PLPPR5: variants seen among roughly 807,000 people sequenced by gnomAD.
PLPPR5 encodes the protein phospholipid phosphatase related 5.
Under a neutral mutation model 33.9 loss-of-function variants are expected in PLPPR5, and 16 were observed. The ratio of observed to expected loss-of-function variants is 0.47; its 90% confidence interval spans 0.32 to 0.72. PLPPR5 has a LOEUF of 0.72. Ranked by LOEUF, PLPPR5 falls within the 30% of genes least tolerant of loss-of-function variation. The probability of loss-of-function intolerance (pLI) is 0.03; values close to 1 mark genes in which losing one functional copy is unlikely to be tolerated. For missense variants in PLPPR5, 301 were observed against 406.7 expected (o/e 0.74, Z 2.23); for synonymous variants, 163 against 150.3 (o/e 1.08, Z -0.62).
intron 1 of PLPPR5, 75 bp downstream of exon 1, chr1:99,004,360 T>G: frequency 7.7e-7 from 1 of 1,305,672 alleles, no homozygotes; most frequent in Non-Finnish European, 1.0e-6. Context: ...CCCCAACCCT[T>G]AGAGGGGCCT....
intron 1 of PLPPR5, 127 bp from the exon 2 acceptor site, chr1:98,956,868 T>C (rs1395381344): frequency 4.2e-6 from 3 of 707,030 alleles, no homozygotes; most frequent in Non-Finnish European, 6.3e-6. Context: ...AACAGAGCCA[T>C]AATCGATTTC....
chr1:98,999,590 G>C (rs987737039), intron 1 of PLPPR5, among the ~76,000 whole-genome samples: 1 of 152,208 alleles, frequency 6.6e-6, no homozygotes, highest in Non-Finnish European at 1.5e-5. Flanking sequence ...ACCCATGTCT[G>C]TGCTTTTTCT....
At chr1:98,942,517 A>G (rs1374133995) in intron 3 of PLPPR5, among the ~76,000 whole-genome samples, 2 of 152,316 alleles carry the variant, frequency 1.3e-5, no homozygotes, top group African/African-American at 4.8e-5. Flanking sequence ...CCACAGAGGT[A>G]AATTTCTCTA....
intron 1 of PLPPR5, among the ~76,000 whole-genome samples, chr1:98,992,723 A>G (rs1401725702): frequency 6.6e-6 from 1 of 152,158 alleles, no homozygotes; most frequent in African/African-American, 2.4e-5. Flanking sequence ...TAAATACAAT[A>G]TTCAGTAAAA....
At chr1:98,979,593 T>C (rs1651985084) in intron 1 of PLPPR5, among the ~76,000 whole-genome samples, 1 of 152,062 alleles carries the variant, frequency 6.6e-6, no homozygotes, top group Non-Finnish European at 1.5e-5. Flanking sequence ...ATAATTATAT[T>C]ACCTCACATC....
At chr1:98,914,595 C>T (rs1649271076) in intron 5 of PLPPR5, among the ~76,000 whole-genome samples, 191 bp downstream of exon 5, 1 of 152,048 alleles carries the variant, frequency 6.6e-6, no homozygotes, top group Non-Finnish European at 1.5e-5. Flanking sequence ...TGTGACCGGC[C>T]TACAAACAGA....
At chr1:98,975,595 C>T (rs1321003880) in intron 1 of PLPPR5, among the ~76,000 whole-genome samples, 1 of 152,036 alleles carries the variant, frequency 6.6e-6, no homozygotes. Context: ...AATATCTATC[C>T]TACCTGATCT....
At chr1:98,980,975 A>C (rs1047817476) in intron 1 of PLPPR5, among the ~76,000 whole-genome samples, 1 of 152,122 alleles carries the variant, frequency 6.6e-6, no homozygotes, top group African/African-American at 2.4e-5. Flanking sequence ...CCATCTAATC[A>C]AAAATGCATT....
chr1:98,921,718 A>G (rs1489827537), intron 4 of PLPPR5, among the ~76,000 whole-genome samples, 164 bp downstream of exon 4: 1 of 152,108 alleles, frequency 6.6e-6, no homozygotes, highest in Non-Finnish European at 1.5e-5. Flanking sequence ...ATGGGGGAGG[A>G]GGAAGAAATG....
chr1:98,935,006 T>C (rs1329850134), intron 3 of PLPPR5, among the ~76,000 whole-genome samples: 1 of 152,180 alleles, frequency 6.6e-6, no homozygotes, highest in East Asian at 1.9e-4. Flanking sequence ...CTAAACCACA[T>C]TCATGAATTC....
intron 3 of PLPPR5, among the ~76,000 whole-genome samples, chr1:98,938,667 G>A (rs914389753): frequency 2.0e-5 from 3 of 151,600 alleles, no homozygotes; most frequent in Non-Finnish European, 4.4e-5. Flanking sequence ...ATCAACTATG[G>A]GCTCATAAAA....
chr1:98,968,064 A>G (rs1455630156), intron 1 of PLPPR5, among the ~76,000 whole-genome samples: 1 of 152,166 alleles, frequency 6.6e-6, no homozygotes, highest in Non-Finnish European at 1.5e-5. Context: ...AATGACAAAA[A>G]GCTGGTGAAA....
intron 4 of PLPPR5, among the ~76,000 whole-genome samples, chr1:98,917,918 G>C (rs1256843937): frequency 6.6e-6 from 1 of 152,288 alleles, no homozygotes; most frequent in African/African-American, 2.4e-5. Context: ...AAGCATCTAG[G>C]ACAGAAATTC....
intron 1 of PLPPR5, among the ~76,000 whole-genome samples, chr1:98,960,476 T>A (rs1265121213): frequency 6.6e-6 from 1 of 152,190 alleles, no homozygotes; most frequent in Non-Finnish European, 1.5e-5. Flanking sequence ...CGTGCTAGGA[T>A]TACAGGCACG....
At chr1:98,945,244 A>G (rs1472691033) in intron 3 of PLPPR5, among the ~76,000 whole-genome samples, 1 of 152,236 alleles carries the variant, frequency 6.6e-6, no homozygotes, top group African/African-American at 2.4e-5. Flanking sequence ...AAATTAAAGA[A>G]CAATTAAAAT....
intron 4 of PLPPR5, among the ~76,000 whole-genome samples, chr1:98,917,569 G>A (rs1356478459): frequency 6.6e-6 from 1 of 152,052 alleles, no homozygotes; most frequent in Non-Finnish European, 1.5e-5. Flanking sequence ...AACACTTTCT[G>A]TTACCTTTCA....
intron 3 of PLPPR5, among the ~76,000 whole-genome samples, chr1:98,946,573 C>A (rs889239476): frequency 1.3e-5 from 2 of 152,270 alleles, no homozygotes; most frequent in African/African-American, 2.4e-5. Context: ...CACTTCTTCT[C>A]CCCCTGTTCA....
chr1:98,891,785 C>T lies in PLPPR5; in HGVS notation c.*1287G>A, dbSNP rs930779842. On this transcript the variant is annotated 3_prime_UTR_variant, in exon 6 of 6. Coordinates refer to ENST00000263177, the MANE Select transcript of PLPPR5 (RefSeq NM_001037317.2). ...CTTTCATATTTGTATTCTGGCATTT[C>T]TTTATTTTTTGAACCATAGGTAGTT... 1.3e-5 allele frequency: 2 copies of T among 152,036 alleles called. No homozygotes were observed. The highest frequency in any genetic ancestry group is 4.8e-5 in the African/African-American group (2 of 41,404). The allele number at this position is 152,036 out of a possible 1,614,324, so 9.4% of individuals were successfully genotyped here. A position where few individuals can be genotyped will look rare whatever the true frequency, so the allele number is the denominator to read the frequency against.
Position 98,980,108 on chromosome 1 carries a change from C to G in PLPPR5, c.238-23367G>C, listed in dbSNP as rs531574455. ...CTCAGGCATCAGGGATGCTCTAGAC[C>G]CTTTTTCTCCTGAAAGAAGCAACAA... On this transcript the variant is annotated intron_variant, in intron 1 of 5. Coordinates refer to ENST00000263177, the MANE Select transcript of PLPPR5 (RefSeq NM_001037317.2). Among the ~76,000 whole-genome samples the G allele has an allele frequency of 3.3e-5, 5 of 152,128 alleles. No homozygotes were observed. In the South Asian group the frequency reaches 8.3e-4, roughly 25 times the overall value.
Sources: allele counts gnomAD v4.1 joint callset (sites outside exome capture counted in the v4.1 genomes callset), GRCh38; gene constraint gnomAD v4.1.1; transcripts MANE v1.5; gene names NCBI Gene and HGNC (gene_info 2026-07-23, HGNC 2026-07-21).